The following GOLGB1 variants were observed in gnomAD, a reference collection of about 807,000 sequenced individuals.
GOLGB1 encodes the protein golgin B1, also known as golgin subfamily B member 1.
Under a neutral mutation model 336.9 loss-of-function variants are expected in GOLGB1, and 174 were observed. The observed-to-expected ratio is 0.52, with a 90% CI of 0.46 to 0.59. GOLGB1 has a LOEUF of 0.59. Among genes scored for constraint, GOLGB1 ranks in the 20% least tolerant of loss-of-function variants. The pLI, the probability that GOLGB1 is intolerant of heterozygous loss-of-function variation, is 0.00. For synonymous variants in GOLGB1, 1,208 were observed against 1,289.2 expected (o/e 0.94, Z 1.35); for missense variants, 3,331 against 3,645.3 (o/e 0.91, Z 2.22).
Position 121,698,920 on chromosome 3 carries a change from C to A in GOLGB1, c.1603G>T (p.Val535Phe). Residue 535 changes from valine (V) to phenylalanine (F), a missense_variant, in exon 13 of 22, where the codon GTT becomes TTT. Val to Phe is a conservative substitution (Grantham distance 50). Transcript: ENST00000614479. Reference sequence around the variant, plus strand: ...GAGCTCCTCTTGTTGGCAATATCAACAATGCTGATCTATTTTTAAAAAAGA... The same window carrying A: ...GAGCTCCTCTTGTTGGCAATATCAAAAATGCTGATCTATTTTTAAAAAAGA... The part of the protein sequence containing the change: ...ADREVSEISI[V>F]DIANKRSSSA... 2 of 1,533,652 alleles carry A rather than the reference C, an allele frequency of 1.3e-6. No homozygotes were observed. Among genetic ancestry groups the A allele is most frequent in the Admixed American group, 2.3e-5 (1 of 44,426 alleles).
rs774486328 is a variant in GOLGB1, at chr3:121,697,624, T to A, written c.2899A>T (p.Asn967Tyr). ...CCTGCTGGGCTCATCTCATCATAATTTTGTTTAAGGCCAGAAGAAACTTCA... is the reference window on the plus strand; with the variant it reads ...CCTGCTGGGCTCATCTCATCATAATATTGTTTAAGGCCAGAAGAAACTTCA... ...DNEVSSGLKQ[N>Y]YDEMSPAGQI... The change falls in exon 13 of 22, where the codon AAT becomes TAT. Residue 967 changes from asparagine to tyrosine, a missense_variant. Coordinates refer to ENST00000614479, the MANE Select transcript of GOLGB1 (RefSeq NM_001366282.2). 6.2e-7 allele frequency: 1 copy of A among 1,612,872 alleles called. No individual in the cohort carries two copies. Among genetic ancestry groups the A allele is most frequent in the South Asian group, 1.1e-5 (1 of 90,908 alleles).
At chr3:121,684,761 T>C (rs1013112319) in intron 14 of GOLGB1, among the ~76,000 whole-genome samples, 1 of 152,208 alleles carries the variant, frequency 6.6e-6, no homozygotes, top group South Asian at 2.1e-4. Flanking sequence ...CCACATACCA[T>C]TTCTTAGGGA....
intron 1 of GOLGB1, among the ~76,000 whole-genome samples, chr3:121,734,029 A>C (rs552284677): frequency 1.3e-5 from 2 of 152,344 alleles, no homozygotes; most frequent in African/African-American, 4.8e-5. Context: ...TATAAAAAAT[A>C]TTGATTAAAA....
In GOLGB1 at chr3:121,697,110, C is replaced by G; in HGVS notation, c.3413G>C (p.Ser1138Thr). 1 of 1,614,146 alleles carries G rather than the reference C, an allele frequency of 6.2e-7. No homozygotes were observed. ...QKLITSNTDA[S>T]DGDSVALVKE... ...TACAAGTGCTACGGAGTCCCCATCA[C>G]TTGCATCCGTGTTACTTGTGATTAA... Residue 1138 changes from serine to threonine, a missense_variant, in exon 13 of 22, where the codon AGT becomes ACT. Coordinates refer to ENST00000614479, the MANE Select transcript of GOLGB1 (RefSeq NM_001366282.2).
rs1425893877 is a variant in GOLGB1, at chr3:121,684,411, A to C, written c.8695-2546T>G. On this transcript the variant is annotated intron_variant, in intron 14 of 21. Transcript: ENST00000614479. ...AAATGGTAAAAAATAATTTAATGAA[A>C]TTTCCAAAAAGCTGCTAGTATGATT... is the stretch of plus-strand genomic sequence containing the variant. Among the ~76,000 whole-genome samples the C allele has an allele frequency of 2.0e-5, 3 of 151,998 alleles. No individual in the cohort carries two copies. The East Asian group carries it at 5.8e-4, about 29-fold the overall frequency.
In GOLGB1 at chr3:121,692,064, C is replaced by G. The variant is rs770893982; in HGVS notation, c.7300G>C (p.Glu2434Gln). 6.2e-7 allele frequency: 1 copy of G among 1,612,890 alleles called. No individual in the cohort carries two copies. The highest frequency in any genetic ancestry group is 8.5e-7 in the Non-Finnish European group (1 of 1,179,640). ...QEEEENIVLE[E>Q]ENKKAVDKTN... Reference sequence around the variant, plus strand: ...TTATCAACAGCCTTTTTGTTCTCCTCTTCTAAAACAATATTCTCCTCTTCC... The same window carrying G: ...TTATCAACAGCCTTTTTGTTCTCCTGTTCTAAAACAATATTCTCCTCTTCC... The change falls in exon 14 of 22, where the codon GAG (glutamate) becomes CAG (glutamine). Residue 2434 changes from glutamate (E) to glutamine (Q), a missense_variant. Physicochemically the swap from Glu to Gln is conservative, Grantham distance 29 (BLOSUM62 2). Coordinates refer to ENST00000614479, the MANE Select transcript of GOLGB1 (RefSeq NM_001366282.2).
intron 5 of GOLGB1, among the ~76,000 whole-genome samples, chr3:121,726,173 C>G (rs1945580116): frequency 6.6e-6 from 1 of 151,218 alleles, no homozygotes; most frequent in East Asian, 1.9e-4. Context: ...TGGCTCACAC[C>G]TGTAATACCA....
intron 21 of GOLGB1, 86 bp downstream of exon 21, chr3:121,664,840 C>T (rs1938373493): frequency 1.2e-6 from 1 of 868,258 alleles, no homozygotes; most frequent in Admixed American, 2.0e-5. Context: ...TGGACTTCCA[C>T]ATTCCTTCTC....
chr3:121,715,107 C>A, intron 9 of GOLGB1, 131 bp from the exon 10 acceptor site: 1 of 570,682 alleles, frequency 1.8e-6, no homozygotes. Context: ...ATGCCAATGA[C>A]AACATTATTA....
At chr3:121,705,126 G>T (rs1429710463) in intron 10 of GOLGB1, among the ~76,000 whole-genome samples, 1 of 152,094 alleles carries the variant, frequency 6.6e-6, no homozygotes, top group Non-Finnish European at 1.5e-5. Flanking sequence ...TATTACTTTT[G>T]TTAATATAAT....
chr3:121,712,259 G>GA (rs1396565009), intron 10 of GOLGB1, among the ~76,000 whole-genome samples: 1 of 151,970 alleles, frequency 6.6e-6, no homozygotes, highest in Non-Finnish European at 1.5e-5. Flanking sequence ...ATCCGTACAG[G>GA]AAAAAACAAA....
chr3:121,730,880 T>C lies in GOLGB1; in HGVS notation c.92A>G (p.Asp31Gly). 1 of 1,612,032 alleles carries C rather than the reference T, an allele frequency of 6.2e-7. No homozygotes were observed. The highest frequency in any genetic ancestry group is 8.5e-7 in the Non-Finnish European group (1 of 1,178,590). Residue 31 changes from aspartate (D) to glycine (G), a missense_variant, in exon 2 of 22, where the codon GAC (aspartate) becomes GGC (glycine). Asp to Gly is a moderately conservative substitution (Grantham distance 94, BLOSUM62 -1). Transcript: ENST00000614479. ...AATCAGAACAGAACTACTCACAGGG[T>C]CTAGGGGAGCCCTCATATTCTGATC... is the stretch of plus-strand genomic sequence containing the variant. The part of the protein sequence containing the change: ...DTDQNMRAPL[D>G]PELHQESDME...
rs1177387199 is a variant in GOLGB1 at position 121,694,403 on chromosome 3, A to G, written c.6120T>C (p.Ile2040=). 2 of 1,612,786 alleles carry G rather than the reference A, an allele frequency of 1.2e-6. No individual in the cohort carries two copies. Among genetic ancestry groups the G allele is most frequent in the Non-Finnish European group, 8.5e-7 (1 of 1,179,048 alleles). The change falls in exon 13 of 22, where the codon ATT becomes ATC. Residue 2040 remains isoleucine (I), a synonymous_variant. Transcript: ENST00000614479. ...CTTTAACAGTTCTCTCCAGAGCACT[A>G]ATTTTCTCTTGATACCTGATGCAGT... The part of the protein sequence containing the change: ...QKDCIRYQEK[I]SALERTVKAL...
At chr3:121,682,170 T>C (rs1055020879) in intron 14 of GOLGB1, among the ~76,000 whole-genome samples, 2 of 152,268 alleles carry the variant, frequency 1.3e-5, no homozygotes, top group Admixed American at 1.3e-4. Flanking sequence ...TGACGTGGGG[T>C]AGACTTAAGA....
Position 121,717,122 on chromosome 3 carries a change from T to C in GOLGB1, c.903A>G (p.Leu301=), listed in dbSNP as rs1356578629. The change falls in exon 9 of 22, where the codon TTA becomes TTG. Residue 301 remains leucine, a synonymous_variant. Transcript: ENST00000614479. ...EQRNQILSQQ[L]QQMEAEHNTL... is the part of the protein sequence containing the mutation. The stretch of plus-strand genomic sequence containing the variant: ...TATTATGCTCAGCTTCCATCTGCTG[T>C]AACTGCTGAGAGAGAATCTAAGAAA... The C allele has an allele frequency of 6.2e-7, 1 of 1,608,070 alleles. No individual in the cohort carries two copies. The highest frequency in any genetic ancestry group is 8.5e-7 in the Non-Finnish European group (1 of 1,177,418).
At chr3:121,713,432 A>G (rs541252848) in intron 10 of GOLGB1, among the ~76,000 whole-genome samples, 1 of 152,350 alleles carries the variant, frequency 6.6e-6, no homozygotes, top group East Asian at 1.9e-4. Context: ...TCATAAAATA[A>G]AATACTTCTC....
intron 14 of GOLGB1, among the ~76,000 whole-genome samples, chr3:121,685,152 T>C (rs548866701): frequency 6.6e-6 from 1 of 152,304 alleles, no homozygotes; most frequent in Non-Finnish European, 1.5e-5. Context: ...CTAGTAGCAT[T>C]TGTAGTCATA....
rs577231175 is a variant in GOLGB1 at position 121,724,665 on chromosome 3, G to A, written c.531+2248C>T. Among the ~76,000 whole-genome samples the A allele has an allele frequency of 7.2e-5, 11 of 152,222 alleles. 1 individual carries two copies. In the South Asian group the frequency reaches 2.3e-3, roughly 32 times the overall value. On this transcript the variant is annotated intron_variant, in intron 5 of 21. Coordinates refer to ENST00000614479, the MANE Select transcript of GOLGB1 (RefSeq NM_001366282.2). ...GAAGGCACAGCCACCACTTGCTAAA[G>A]AAATTAACACGGCTAAAAGGGAGCC... is the stretch of plus-strand genomic sequence containing the variant.
chr3:121,690,069 T>C (rs1299566795), intron 14 of GOLGB1, among the ~76,000 whole-genome samples: 1 of 152,232 alleles, frequency 6.6e-6, no homozygotes. Context: ...TTGGAAATGT[T>C]GGGTATTAAA....
Sources: allele counts gnomAD v4.1 joint callset (sites outside exome capture counted in the v4.1 genomes callset), GRCh38; gene constraint gnomAD v4.1.1; transcripts MANE v1.5; gene names NCBI Gene and HGNC (gene_info 2026-07-23, HGNC 2026-07-21).